Variants in CELF2 observed in about 807,000 individuals in gnomAD.
CELF2 encodes CUGBP Elav-like family member 2, also known as CUG triplet repeat RNA-binding protein 2.
A neutral mutation model predicts 62.6 loss-of-function variants in CELF2; 8 were observed. The ratio of observed to expected loss-of-function variants is 0.13; its 90% CI spans 0.07 to 0.23. The LOEUF (loss-of-function observed/expected upper bound fraction) is 0.23. CELF2 is among the 10% of genes least tolerant of loss of function. CELF2 has a pLI of 1.00. For synonymous variants in CELF2, 258 were observed against 250.0 expected, an observed-to-expected ratio of 1.03 and a Z score of -0.30; for missense variants, 333 against 671.0, an observed-to-expected ratio of 0.50 and a Z score of 5.56.
At chr10:11,327,660 C>T (rs369677730) in intron 12 of CELF2, among the ~76,000 whole-genome samples, 53 of 152,244 alleles carry the variant, frequency 3.5e-4, no homozygotes, top group African/African-American at 1.3e-3. Context: ...AAAGGAAAGT[C>T]AGAGCAAAAA....
chr10:10,870,332 C>T (rs1487528274), intron 1 of CELF2, among the ~76,000 whole-genome samples: 1 of 151,866 alleles, frequency 6.6e-6, no homozygotes, highest in Non-Finnish European at 1.5e-5. Context: ...TTGCCTATCT[C>T]GGGGTATATA....
At chr10:10,514,615 ATT>A in the CELF2 span, among the ~76,000 whole-genome samples, 4 of 152,250 alleles carry the variant, frequency 2.6e-5, no homozygotes, top group East Asian at 5.8e-4. Context: ...AGAGAATGGG[ATT>A]CAGACGTGGA....
At chr10:10,886,774 G>A (rs1003274724) in intron 1 of CELF2, among the ~76,000 whole-genome samples, 7 of 152,176 alleles carry the variant, frequency 4.6e-5, no homozygotes, top group South Asian at 4.1e-4. Flanking sequence ...AGGTCAAGGC[G>A]GCAGTGAGCT....
chr10:11,257,336 C>CAAAAAAAAAAAAA (rs61363639), intron 4 of CELF2, among the ~76,000 whole-genome samples: 4 of 114,712 alleles, frequency 3.5e-5, no homozygotes, highest in South Asian at 3.0e-4. Context: ...AGACCATCTA[C>CAAAAAAAAAAAAA]AAAAAAAAAA....
the CELF2 span, among the ~76,000 whole-genome samples, chr10:10,605,357 A>C: frequency 6.8e-3 from 1,041 of 152,332 alleles, 5 homozygotes; most frequent in South Asian, 0.034. Context: ...TGATATGTGC[A>C]GCAAAGCACC....
chr10:11,132,060 T>C (rs1052216111), intron 1 of CELF2, among the ~76,000 whole-genome samples: 1 of 152,262 alleles, frequency 6.6e-6, no homozygotes, highest in Non-Finnish European at 1.5e-5. Context: ...GTACAGTTTA[T>C]ATCTGTGCAC....
At chr10:10,908,085 C>T (rs1352591712) in intron 1 of CELF2, among the ~76,000 whole-genome samples, 1 of 151,886 alleles carries the variant, frequency 6.6e-6, no homozygotes, top group Non-Finnish European at 1.5e-5. Context: ...GCCCGGCCTG[C>T]CCGTACAGTC....
chr10:11,312,090 G>T (rs572022038), intron 9 of CELF2, among the ~76,000 whole-genome samples: 1 of 152,230 alleles, frequency 6.6e-6, no homozygotes, highest in South Asian at 2.1e-4. Context: ...AAACATCTCA[G>T]TACCTGACCT....
the CELF2 span, among the ~76,000 whole-genome samples, chr10:10,709,083 C>T: frequency 6.6e-6 from 1 of 152,168 alleles, no homozygotes; most frequent in Admixed American, 6.5e-5. Context: ...TGATAACAAC[C>T]TTTGCCAAAT....
rs533951338 is a variant in CELF2, at chr10:11,091,889, C to T, written c.75-73597C>T. Among the ~76,000 whole-genome samples, 13 of 152,164 alleles carry T rather than the reference C, an allele frequency of 8.5e-5. No individual in the cohort carries two copies. The South Asian group carries it at 1.2e-3, about 15-fold the overall frequency. Reference sequence around the variant, plus strand: ...CTCGTTCATGAGGAAACCAGTAAGACGGTAACGTTGGCTTAAAGTGCATTT... The same window carrying T: ...CTCGTTCATGAGGAAACCAGTAAGATGGTAACGTTGGCTTAAAGTGCATTT... On this transcript the variant is annotated intron_variant, in intron 1 of 12. Coordinates refer to ENST00000633077, the MANE Select transcript of CELF2 (RefSeq NM_001326342.2).
the CELF2 span, among the ~76,000 whole-genome samples, chr10:10,655,664 G>A: frequency 1.0e-4 from 13 of 125,032 alleles, no homozygotes; most frequent in African/African-American, 3.2e-4. Flanking sequence ...AAACTGGCTA[G>A]CCATATGTAG....
chr10:10,866,596 C>T (rs1031322833), intron 1 of CELF2, among the ~76,000 whole-genome samples: 1 of 119,766 alleles, frequency 8.3e-6, no homozygotes. Context: ...CAGAGCAAGA[C>T]TCCATCCTCT....
chr10:10,510,224 C>T, the CELF2 span, among the ~76,000 whole-genome samples: 2 of 152,174 alleles, frequency 1.3e-5, no homozygotes. Flanking sequence ...TATTCACAAA[C>T]CTGTAAGTGC....
upstream of CELF2, among the ~76,000 whole-genome samples, chr10:10,797,063 G>A (rs2054181643): frequency 6.6e-6 from 1 of 152,196 alleles, no homozygotes; most frequent in Non-Finnish European, 1.5e-5. Context: ...TGGAGAACAG[G>A]CTGGTAAGAA....
At chr10:11,320,178 A>G (rs1291272080) in intron 10 of CELF2, among the ~76,000 whole-genome samples, 2 of 152,106 alleles carry the variant, frequency 1.3e-5, no homozygotes, top group African/African-American at 4.8e-5. Context: ...GAAAGTTAGC[A>G]CTCTATAAAG....
chr10:11,148,955 C>T (rs2062787118), intron 1 of CELF2, among the ~76,000 whole-genome samples: 1 of 152,174 alleles, frequency 6.6e-6, no homozygotes, highest in Admixed American at 6.5e-5. Flanking sequence ...TCTGGTATCA[C>T]TAGGGACCTT....
intron 1 of CELF2, among the ~76,000 whole-genome samples, chr10:10,879,009 T>C (rs142477372): frequency 0.015 from 2,285 of 152,324 alleles, 32 homozygotes; most frequent in Middle Eastern, 0.044. Context: ...TGTTCGTTTT[T>C]TGTCTTTGCC....
intron 1 of CELF2, among the ~76,000 whole-genome samples, chr10:10,868,670 A>T (rs1421184161): frequency 1.3e-5 from 2 of 152,354 alleles, no homozygotes; most frequent in South Asian, 2.1e-4. Flanking sequence ...CCTAGTTTTC[A>T]TCTCCTTCCT....
At chr10:10,976,348 G>A (rs1002770437) in intron 2 of CELF2, among the ~76,000 whole-genome samples, 2 of 152,208 alleles carry the variant, frequency 1.3e-5, no homozygotes, top group Non-Finnish European at 2.9e-5. Context: ...AGTCTAGAAT[G>A]TGGGTCTTTT....
Sources: gnomAD v4.1 joint callset for allele counts (sites outside exome capture counted in the v4.1 genomes callset) on GRCh38, gnomAD v4.1.1 for gene constraint, MANE v1.5 for transcripts, NCBI Gene and HGNC (gene_info 2026-07-23, HGNC 2026-07-21) for gene names.